Variants in GPC3 observed in about 807,000 individuals in gnomAD.
GPC3 encodes the protein glypican-3.
Under a neutral mutation model 34.4 loss-of-function variants are expected in GPC3, and 3 were observed. The observed-to-expected ratio is 0.09, with a 90% CI of 0.04 to 0.23. The LOEUF is 0.23. Among genes scored for constraint, GPC3 ranks in the 10% least tolerant of loss-of-function variants. The probability of loss-of-function intolerance (pLI) is 1.00; values close to 1 mark genes in which losing one functional copy is unlikely to be tolerated. For synonymous variants in GPC3, 177 were observed against 174.0 expected, an observed-to-expected ratio of 1.02 and a Z score of -0.13; for missense variants, 351 against 445.6, an observed-to-expected ratio of 0.79 and a Z score of 1.91.
At chrX:133,587,947 A>G (rs1258463511) in intron 7 of GPC3, among the ~76,000 whole-genome samples, 1 of 111,632 alleles carries the variant, frequency 9.0e-6, no homozygotes, top group Non-Finnish European at 1.9e-5. Context: ...ACTCTGTAGA[A>G]GTGACGCCCT....
At position 133,789,499 on chromosome X, in the gene GPC3, G is replaced by A. The variant is rs2267508; in HGVS notation, c.338-35323C>T. Among the ~76,000 whole-genome samples the A allele has an allele frequency of 1.1e-3, 128 of 111,762 alleles. 1 individual carries two copies. In the East Asian group the frequency reaches 0.029, roughly 25 times the overall value. ...ATACCTTCCAGAGACAGCTCTCTGC[G>A]TTGATCTATTGCTTCTTGCTTAAGT... On this transcript the variant is annotated intron_variant, in intron 2 of 7. Transcript: ENST00000370818.
At chrX:133,668,204 G>C (rs1298923194) in intron 5 of GPC3, among the ~76,000 whole-genome samples, 3 of 111,260 alleles carry the variant, frequency 2.7e-5, no homozygotes. Flanking sequence ...ACCATGCCCG[G>C]CCCTATTTTC....
Position 133,953,998 on chromosome X carries a change from A to G in GPC3, c.176-787T>C, listed in dbSNP as rs994508566. On this transcript the variant is annotated intron_variant, in intron 1 of 7. Coordinates refer to ENST00000370818, the MANE Select transcript of GPC3 (RefSeq NM_004484.4). ...TCTATTTAGCCATAAAAAGGAATGAACCATTAATGCATACTACTGGAGGGA... is the reference window on the plus strand; with the variant it reads ...TCTATTTAGCCATAAAAAGGAATGAGCCATTAATGCATACTACTGGAGGGA... Among the ~76,000 whole-genome samples, 11 of 112,789 alleles carry G rather than the reference A, an allele frequency of 9.8e-5. No homozygotes were observed. The Admixed American group carries it at 1.0e-3, about 11-fold the overall frequency.
chrX:133,627,131 AGG>A, intron 6 of GPC3, among the ~76,000 whole-genome samples: 1 of 84,644 alleles, frequency 1.2e-5, no homozygotes, highest in Non-Finnish European at 2.2e-5. Context: ...AACTGGACAC[AGG>A]GTGGGGAACA....
At chrX:133,608,145 C>T (rs1030468380) in intron 6 of GPC3, among the ~76,000 whole-genome samples, 1 of 112,672 alleles carries the variant, frequency 8.9e-6, no homozygotes, top group African/African-American at 3.2e-5. Flanking sequence ...CCAGATCAGG[C>T]TGATTTGCCA....
chrX:133,950,123 GAATT>G (rs760122007), intron 2 of GPC3, among the ~76,000 whole-genome samples: 4 of 112,247 alleles, frequency 3.6e-5, no homozygotes, highest in African/African-American at 1.3e-4. Flanking sequence ...TTTTCAGAAA[GAATT>G]AATTAAGCAG....
intron 3 of GPC3, among the ~76,000 whole-genome samples, chrX:133,729,810 C>T (rs756401028): frequency 7.2e-5 from 8 of 111,872 alleles, no homozygotes; most frequent in South Asian, 3.8e-4. Flanking sequence ...TTCTTTTCTA[C>T]GCATATTTTT....
intron 2 of GPC3, among the ~76,000 whole-genome samples, chrX:133,780,094 A>G (rs148720183): frequency 3.8e-3 from 428 of 111,764 alleles, no homozygotes; most frequent in Non-Finnish European, 5.3e-3. Context: ...CTGGGAAATG[A>G]CCTAGACGCC....
chrX:133,587,159 A>G (rs2069797390), intron 7 of GPC3, among the ~76,000 whole-genome samples: 1 of 111,864 alleles, frequency 8.9e-6, no homozygotes, highest in South Asian at 3.7e-4. Flanking sequence ...GTTTTCATAT[A>G]CGAATGAGAA....
chrX:133,837,282 T>C (rs1429325124), intron 2 of GPC3, among the ~76,000 whole-genome samples: 1 of 111,388 alleles, frequency 9.0e-6, no homozygotes, highest in Non-Finnish European at 1.9e-5. Context: ...TCATCTCTGA[T>C]ACGAGTCTTG....
intron 4 of GPC3, among the ~76,000 whole-genome samples, chrX:133,693,156 A>AGTGTGTGT (rs57735935): frequency 2.9e-4 from 26 of 89,403 alleles, no homozygotes; most frequent in Admixed American, 1.9e-3. Flanking sequence ...TAATAAGACA[A>AGTGTGTGT]GTGTGTGTGT....
At chrX:133,798,234 G>A (rs751224826) in intron 2 of GPC3, among the ~76,000 whole-genome samples, 1 of 111,944 alleles carries the variant, frequency 8.9e-6, no homozygotes, top group South Asian at 3.8e-4. Flanking sequence ...CAGGCAGATG[G>A]TGTGATGATG....
intron 6 of GPC3, among the ~76,000 whole-genome samples, chrX:133,644,584 TA>T (rs1198103591): frequency 8.9e-6 from 1 of 111,805 alleles, no homozygotes; most frequent in Non-Finnish European, 1.9e-5. Flanking sequence ...CAGAGAGATA[TA>T]AAAAGGAAAT....
chrX:133,645,677 G>A, intron 6 of GPC3, among the ~76,000 whole-genome samples: 1 of 111,528 alleles, frequency 9.0e-6, no homozygotes, highest in South Asian at 3.8e-4. Flanking sequence ...TCCAGACAAG[G>A]ACTAACACTC....
At chrX:133,947,130 T>A (rs1388745788) in intron 2 of GPC3, among the ~76,000 whole-genome samples, 2 of 110,925 alleles carry the variant, frequency 1.8e-5, no homozygotes, top group Non-Finnish European at 3.8e-5. Flanking sequence ...TGGGGGCTGG[T>A]GGGGAGGTGG....
At chrX:133,711,232 T>C (rs1396894534) in intron 3 of GPC3, among the ~76,000 whole-genome samples, 1 of 112,206 alleles carries the variant, frequency 8.9e-6, no homozygotes, top group Non-Finnish European at 1.9e-5. Flanking sequence ...AACTGTCTCT[T>C]AGAGCAGTGC....
intron 6 of GPC3, among the ~76,000 whole-genome samples, 158 bp downstream of exon 6, chrX:133,661,560 ATCTCTCTTTCTC>A (rs1325692347): frequency 1.8e-4 from 11 of 60,647 alleles, no homozygotes; most frequent in Admixed American, 7.1e-4. Flanking sequence ...AGCTGGCTAT[ATCTCTCTTTCTC>A]TCTCTCTCTC....
intron 4 of GPC3, among the ~76,000 whole-genome samples, chrX:133,695,292 C>T (rs908336150): frequency 1.8e-5 from 2 of 112,033 alleles, no homozygotes. Flanking sequence ...CTAAAGGGTA[C>T]AGAGTTTCTT....
chrX:133,858,919 A>T (rs2075921261), intron 2 of GPC3, among the ~76,000 whole-genome samples: 1 of 109,411 alleles, frequency 9.1e-6, no homozygotes, highest in South Asian at 4.0e-4. Context: ...GTCTCTACTA[A>T]AAATACAAAA....
Sources: allele counts gnomAD v4.1 joint callset (sites outside exome capture counted in the v4.1 genomes callset), GRCh38; gene constraint gnomAD v4.1.1; transcripts MANE v1.5; gene names NCBI Gene and HGNC (gene_info 2026-07-23, HGNC 2026-07-21).